The following MUSK variants were observed in gnomAD, a reference collection of about 807,000 sequenced individuals.
MUSK encodes muscle, skeletal receptor tyrosine-protein kinase.
A neutral mutation model predicts 88.7 loss-of-function variants in MUSK; 55 were observed. The observed-to-expected ratio is 0.62, with a 90% CI of 0.50 to 0.78. The LOEUF (loss-of-function observed/expected upper bound fraction) is 0.78, where lower values mean the gene tolerates loss of function less well. MUSK is among the 30% of genes least tolerant of loss of function. The pLI, the probability that MUSK is intolerant of heterozygous loss-of-function variation, is 0.00. For synonymous variants in MUSK, 387 were observed against 391.9 expected (o/e 0.99, Z 0.15); for missense variants, 1,015 against 1,074.3 (o/e 0.94, Z 0.77).
In MUSK at chr9:110,797,792, G is replaced by A. The variant is rs200449823; in HGVS notation, c.1928-2514G>A. Among the ~76,000 whole-genome samples, 88 of 152,100 alleles carry A rather than the reference G, an allele frequency of 5.8e-4. 1 individual carries two copies. The East Asian group carries it at 0.016, about 27-fold the overall frequency. ...TACTTTCTCAAATAGTATACATTTA[G>A]TCATTAAACAAACATACATACATGC... On this transcript the variant is annotated intron_variant, in intron 14 of 14. Transcript: ENST00000374448.
rs1294449589 is a variant in MUSK at position 110,689,501 on chromosome 9, ATATT to A, written c.358+2237_358+2240del. Among the ~76,000 whole-genome samples the A allele has an allele frequency of 3.7e-3, 358 of 95,688 alleles. 6 individuals carry two copies. The highest frequency in any genetic ancestry group is 0.017 in the African/African-American group (339 of 19,668). 62.8% of individuals were successfully genotyped at this position (95,688 alleles called of 152,430 possible). On this transcript the variant is annotated intron_variant, in intron 3 of 14. Transcript: ENST00000374448. Reference sequence around the variant, plus strand: ...AAATATAAAAATATGTAAAAAATACATATTTATATATAAATATATACAACTATAT... The same window carrying A: ...AAATATAAAAATATGTAAAAAATACATATATATAAATATATACAACTATAT...
chr9:110,694,401 A>C lies in MUSK; in HGVS notation c.359-1002A>C, dbSNP rs944296197. ...ACTCCGTCTCAAAAAAAAAAAAAAA[A>C]AAAAACAAAAAAACAAAACCCAACA... On this transcript the variant is annotated intron_variant, in intron 3 of 14. Coordinates refer to ENST00000374448, the MANE Select transcript of MUSK (RefSeq NM_005592.4). 8.6e-3 allele frequency among the ~76,000 whole-genome samples: 1,112 copies of C among 128,730 alleles called. 12 individuals are homozygous for C. Among genetic ancestry groups the C allele is most frequent in the African/African-American group, 0.034 (1,064 of 31,178 alleles). The allele number at this position is 128,730 out of a possible 152,430, so 84.5% of individuals were successfully genotyped here.
Position 110,676,343 on chromosome 9 carries a change from CATATATT to C in MUSK, c.80-6310_80-6304del, listed in dbSNP as rs1199946219. 8.2e-3 allele frequency among the ~76,000 whole-genome samples: 921 copies of C among 112,756 alleles called. 19 individuals are homozygous for C. Among genetic ancestry groups the C allele is most frequent in the African/African-American group, 0.02 (669 of 33,920 alleles). The allele number at this position is 112,756 out of a possible 152,430, so 74.0% of individuals were successfully genotyped here. A position where few individuals can be genotyped will look rare whatever the true frequency, so the allele number is the denominator to read the frequency against. On this transcript the variant is annotated intron_variant, in intron 1 of 14. Transcript: ENST00000374448. ...TGTTGTATATATACACATACACACA[CATATATT>C]ATATATTATATATTATATATGTGTG...
At chr9:110,714,233 G>A (rs549800297) in intron 5 of MUSK, among the ~76,000 whole-genome samples, 1 of 152,224 alleles carries the variant, frequency 6.6e-6, no homozygotes, top group South Asian at 2.1e-4. Context: ...ACCTAAGACT[G>A]AAACAAAAAC....
At chr9:110,791,150 G>GCGTGAGCGA (rs1302926479) in intron 14 of MUSK, among the ~76,000 whole-genome samples, 6 of 151,902 alleles carry the variant, frequency 3.9e-5, no homozygotes, top group Non-Finnish European at 8.8e-5. Context: ...ACAGCTCCCA[G>GCGTGAGCGA]CGTGAGCGAC....
intron 3 of MUSK, 106 bp from the exon 4 acceptor site, chr9:110,695,297 C>A: frequency 2.5e-6 from 2 of 813,230 alleles, no homozygotes; most frequent in Non-Finnish European, 3.6e-6. Flanking sequence ...TAACATGCCT[C>A]AAATGATTCT....
At chr9:110,679,389 T>G (rs2076077336) in intron 1 of MUSK, among the ~76,000 whole-genome samples, 1 of 152,106 alleles carries the variant, frequency 6.6e-6, no homozygotes, top group South Asian at 2.1e-4. Flanking sequence ...TTACTATTGC[T>G]ATGTCACTTT....
intron 5 of MUSK, among the ~76,000 whole-genome samples, chr9:110,727,963 A>C (rs10817086): frequency 0.38 from 57,590 of 151,952 alleles, 11,477 homozygotes; most frequent in Non-Finnish European, 0.44. Context: ...ACATGGTTAT[A>C]TTAAACATTT....
At chr9:110,687,939 C>G (rs573946073) in intron 3 of MUSK, among the ~76,000 whole-genome samples, 2 of 152,224 alleles carry the variant, frequency 1.3e-5, no homozygotes, top group Admixed American at 1.3e-4. Flanking sequence ...AACCTCTTTG[C>G]AGACACTTTT....
chr9:110,700,729 T>C (rs2076491089), intron 5 of MUSK, among the ~76,000 whole-genome samples: 1 of 152,178 alleles, frequency 6.6e-6, no homozygotes, highest in African/African-American at 2.4e-5. Context: ...CAATGAAATG[T>C]GGTGCTGGAT....
chr9:110,786,707 C>A (rs1178406093), intron 13 of MUSK, among the ~76,000 whole-genome samples: 3 of 151,980 alleles, frequency 2.0e-5, no homozygotes, highest in Non-Finnish European at 4.4e-5. Context: ...AAAAAATGAG[C>A]TCAAGAAAGG....
Position 110,681,008 on chromosome 9 carries a change from A to T in MUSK, c.80-1666A>T, listed in dbSNP as rs868852195. On this transcript the variant is annotated intron_variant, in intron 1 of 14. Transcript: ENST00000374448. ...AATGATCCTTATAATATATTATATT[A>T]TATATAATATATATTATATATTATA... Among the ~76,000 whole-genome samples the T allele has an allele frequency of 5.8e-3, 215 of 37,360 alleles. 16 individuals carry two copies. The highest frequency in any genetic ancestry group is 0.016 in the Middle Eastern group (1 of 62). 24.5% of individuals were successfully genotyped at this position (37,360 alleles called of 152,430 possible).
chr9:110,770,735 T>C (rs2077561389), intron 9 of MUSK, among the ~76,000 whole-genome samples: 1 of 121,988 alleles, frequency 8.2e-6, no homozygotes, highest in African/African-American at 3.4e-5. Context: ...TAAAATTTGA[T>C]GATTTCTTTC....
At position 110,681,077 on chromosome 9, in the gene MUSK, ATATT is replaced by A. The variant is rs1357330245; in HGVS notation, c.80-1596_80-1593del. On this transcript the variant is annotated intron_variant, in intron 1 of 14. Coordinates refer to ENST00000374448, the MANE Select transcript of MUSK (RefSeq NM_005592.4). ...ATATATTATATATATAATATTATAT[ATATT>A]ATATAATATATATTATATAATATAT... Among the ~76,000 whole-genome samples the A allele has an allele frequency of 6.1e-4, 19 of 31,152 alleles. 1 individual carries two copies. The highest frequency in any genetic ancestry group is 2.1e-3 in the African/African-American group (9 of 4,372). The allele number at this position is 31,152 out of a possible 152,430, so 20.4% of individuals were successfully genotyped here.
rs2078164128 is a variant in MUSK, at chr9:110,806,541, C to T, written c.*5553C>T. On this transcript the variant is annotated 3_prime_UTR_variant, in exon 15 of 15. Coordinates refer to ENST00000374448, the MANE Select transcript of MUSK (RefSeq NM_005592.4). ...TCAAAAAACAAAAATAAAATATCTG[C>T]AATTATGTGATCATGTATTTATGCA... Among the ~76,000 whole-genome samples the T allele has an allele frequency of 6.6e-6, 1 of 152,070 alleles. No individual in the cohort carries two copies. Among genetic ancestry groups the T allele is most frequent in the Non-Finnish European group, 1.5e-5 (1 of 67,998 alleles).
chr9:110,798,455 A>G (rs763986702), intron 14 of MUSK, among the ~76,000 whole-genome samples: 2 of 152,202 alleles, frequency 1.3e-5, no homozygotes, highest in East Asian at 1.9e-4. Context: ...CTGGCAGTGG[A>G]GCAAACAGTA....
Position 110,801,103 on chromosome 9 carries a change from A to G in MUSK, c.*115A>G, listed in dbSNP as rs2132069927. 2.1e-6 allele frequency: 2 copies of G among 941,436 alleles called. No homozygotes were observed. The highest frequency in any genetic ancestry group is 5.4e-5 in the East Asian group (2 of 36,962). The allele number at this position is 941,436 out of a possible 1,614,324, so 58.3% of individuals were successfully genotyped here. A position where few individuals can be genotyped will look rare whatever the true frequency, so the allele number is the denominator to read the frequency against. The stretch of plus-strand genomic sequence containing the variant: ...ATAGGAAAGAGTAAGAGTAAACATG[A>G]GTAGTGTGTTGTTTGCTTCCCAGGG... On this transcript the variant is annotated 3_prime_UTR_variant, in exon 15 of 15. Coordinates refer to ENST00000374448, the MANE Select transcript of MUSK (RefSeq NM_005592.4).
At position 110,787,783 on chromosome 9, in the gene MUSK, G is replaced by A; in HGVS notation, c.1872G>A (p.Gln624=). The A allele has an allele frequency of 1.2e-6, 2 of 1,613,626 alleles. No individual in the cohort carries two copies. Among genetic ancestry groups the A allele is most frequent in the East Asian group, 4.5e-5 (2 of 44,902 alleles). The change falls in exon 14 of 15, where the codon CAG becomes CAA. Residue 624 remains glutamine, a synonymous_variant. Coordinates refer to ENST00000374448, the MANE Select transcript of MUSK (RefSeq NM_005592.4). ...EASADMQADF[Q]REAALMAEFD... ...CGGCAGATATGCAAGCGGACTTTCA[G>A]AGGGAGGCAGCCCTCATGGCAGAAT... is the stretch of plus-strand genomic sequence containing the variant.
chr9:110,684,827 TC>T (rs1364781880), intron 2 of MUSK, among the ~76,000 whole-genome samples: 2 of 152,172 alleles, frequency 1.3e-5, no homozygotes, highest in Admixed American at 1.3e-4. Context: ...TGATTTTGTA[TC>T]CTGCAACTTC....
Sources: gnomAD v4.1 joint callset for allele counts (sites outside exome capture counted in the v4.1 genomes callset) on GRCh38, gnomAD v4.1.1 for gene constraint, MANE v1.5 for transcripts, NCBI Gene and HGNC (gene_info 2026-07-23, HGNC 2026-07-21) for gene names.